Variants in PDGFC observed in about 807,000 individuals in gnomAD.
PDGFC encodes the protein platelet-derived growth factor C.
Under a neutral mutation model 35.5 loss-of-function variants are expected in PDGFC, and 12 were observed. That is an observed-to-expected ratio of 0.34 (90% CI 0.22 to 0.55). The LOEUF (loss-of-function observed/expected upper bound fraction) is 0.55. PDGFC is among the 20% of genes least tolerant of loss of function. The probability of loss-of-function intolerance (pLI) is 0.91; values close to 1 mark genes in which losing one functional copy is unlikely to be tolerated. For missense variants in PDGFC, 322 were observed against 412.4 expected, an observed-to-expected ratio of 0.78 and a Z score of 1.90; for synonymous variants, 159 against 148.8, an observed-to-expected ratio of 1.07 and a Z score of -0.50.
chr4:156,867,901 CAG>C (rs551386733), intron 1 of PDGFC, among the ~76,000 whole-genome samples: 125 of 152,084 alleles, frequency 8.2e-4, no homozygotes, highest in African/African-American at 2.9e-3. Flanking sequence ...TTTTTTGAGA[CAG>C]AGTCTTGCTC....
chr4:156,942,729 T>A (rs542737596), intron 1 of PDGFC, among the ~76,000 whole-genome samples: 2 of 148,516 alleles, frequency 1.3e-5, no homozygotes, highest in African/African-American at 4.9e-5. Flanking sequence ...TGTAATTATA[T>A]ATGTATAATT....
At chr4:156,922,861 G>A (rs967238121) in intron 1 of PDGFC, among the ~76,000 whole-genome samples, 11 of 152,074 alleles carry the variant, frequency 7.2e-5, no homozygotes, top group African/African-American at 1.4e-4. Context: ...AGGATACATC[G>A]TAGTTACTCT....
chr4:156,825,587 T>TAAGAAGAAGAAGAAG (rs1390899557), intron 2 of PDGFC, among the ~76,000 whole-genome samples: 141 of 87,148 alleles, frequency 1.6e-3, no homozygotes, highest in African/African-American at 3.0e-3. Context: ...ATAATAATAA[T>TAAGAAGAAGAAGAAG]AATAATAAGA....
At chr4:156,936,937 A>T (rs1321545074) in intron 1 of PDGFC, among the ~76,000 whole-genome samples, 1 of 152,210 alleles carries the variant, frequency 6.6e-6, no homozygotes, top group Non-Finnish European at 1.5e-5. Context: ...GAACAATTTG[A>T]TGAAAAATAT....
intron 1 of PDGFC, among the ~76,000 whole-genome samples, chr4:156,920,398 G>A (rs554978974): frequency 5.6e-4 from 86 of 152,226 alleles, no homozygotes; most frequent in Non-Finnish European, 1.0e-3. Context: ...ACAGATGAAA[G>A]CCATTGACAC....
At chr4:156,774,748 T>C (rs1420399933) in intron 3 of PDGFC, among the ~76,000 whole-genome samples, 5 of 151,010 alleles carry the variant, frequency 3.3e-5, no homozygotes, top group Non-Finnish European at 5.9e-5. Flanking sequence ...GGAATGACAA[T>C]GTCTGGCCTC....
intron 1 of PDGFC, among the ~76,000 whole-genome samples, chr4:156,881,626 T>A (rs1002966303): frequency 6.6e-6 from 1 of 151,524 alleles, no homozygotes; most frequent in African/African-American, 2.4e-5. Context: ...GAGTCAGGAG[T>A]CCGAGACCAG....
chr4:156,783,837 G>T (rs557612331), intron 3 of PDGFC, among the ~76,000 whole-genome samples: 1 of 152,244 alleles, frequency 6.6e-6, no homozygotes, highest in Non-Finnish European at 1.5e-5. Flanking sequence ...CACCATTGAG[G>T]AAAACAAATG....
chr4:156,769,062 A>G (rs1274722874), intron 4 of PDGFC, among the ~76,000 whole-genome samples: 8 of 151,918 alleles, frequency 5.3e-5, no homozygotes, highest in Non-Finnish European at 1.2e-4. Context: ...GAGATTGAAT[A>G]CTTTCAGATA....
intron 2 of PDGFC, chr4:156,842,379 A>G (rs1387383916): frequency 6.6e-6 from 1 of 152,068 alleles, no homozygotes; most frequent in African/African-American, 2.4e-5. Context: ...GCAGAAAAAA[A>G]AAAATTAGCC....
chr4:156,894,363 C>A (rs999770232), intron 1 of PDGFC, among the ~76,000 whole-genome samples: 4 of 152,124 alleles, frequency 2.6e-5, no homozygotes, highest in Non-Finnish European at 4.4e-5. Flanking sequence ...AGTTCTCCCC[C>A]AGATTCATGC....
intron 5 of PDGFC, among the ~76,000 whole-genome samples, chr4:156,765,996 G>A (rs898295830): frequency 6.6e-6 from 1 of 152,146 alleles, no homozygotes; most frequent in Non-Finnish European, 1.5e-5. Context: ...CGAGGGCTAA[G>A]CAATTTGCTC....
intron 1 of PDGFC, among the ~76,000 whole-genome samples, chr4:156,954,309 GA>G (rs1227169925): frequency 7.3e-5 from 11 of 151,404 alleles, no homozygotes; most frequent in African/African-American, 2.2e-4. Context: ...ATTTCCAAGG[GA>G]AAAAAAACTA....
chr4:156,783,920 G>C (rs1438410716), intron 3 of PDGFC, among the ~76,000 whole-genome samples: 1 of 152,124 alleles, frequency 6.6e-6, no homozygotes, highest in Non-Finnish European at 1.5e-5. Context: ...GGGGAATCAG[G>C]GAGAGAAGAG....
At chr4:156,934,784 A>G (rs1309569643) in intron 1 of PDGFC, among the ~76,000 whole-genome samples, 1 of 152,142 alleles carries the variant, frequency 6.6e-6, no homozygotes, top group Non-Finnish European at 1.5e-5. Flanking sequence ...AATGAAAAAC[A>G]GAAGAGACAA....
chr4:156,954,154 T>C (rs994483563), intron 1 of PDGFC, among the ~76,000 whole-genome samples: 5 of 151,978 alleles, frequency 3.3e-5, no homozygotes, highest in Admixed American at 6.6e-5. Context: ...ACACCATAAA[T>C]ATTGGCATAC....
chr4:156,940,449 C>T (rs972810331), intron 1 of PDGFC, among the ~76,000 whole-genome samples: 3 of 152,042 alleles, frequency 2.0e-5, no homozygotes. Flanking sequence ...TAAAACAATG[C>T]GTGAAATTCA....
At chr4:156,832,254 T>C (rs1249428558) in intron 2 of PDGFC, among the ~76,000 whole-genome samples, 2 of 92,852 alleles carry the variant, frequency 2.2e-5, no homozygotes, top group African/African-American at 1.1e-4. Flanking sequence ...TCTTTCTTTC[T>C]TTTTTTTTTT....
chr4:156,962,687 T>C (rs1402988965), intron 1 of PDGFC, among the ~76,000 whole-genome samples: 4 of 152,168 alleles, frequency 2.6e-5, no homozygotes, highest in Non-Finnish European at 4.4e-5. Context: ...CTCTGAGTCC[T>C]GGCTTGGAGT....
Sources: allele counts gnomAD v4.1 joint callset (sites outside exome capture counted in the v4.1 genomes callset), GRCh38; gene constraint gnomAD v4.1.1; transcripts MANE v1.5; gene names NCBI Gene and HGNC (gene_info 2026-07-23, HGNC 2026-07-21).